NUP160: variants seen among roughly 807,000 people sequenced by gnomAD.
NUP160 encodes the protein nucleoporin 160, also known as nuclear pore complex protein Nup160.
NUP160 carries 94 observed loss-of-function variants against 196.9 expected under a neutral mutation model. The ratio of observed to expected loss-of-function variants is 0.48; its 90% CI spans 0.40 to 0.57. The LOEUF (loss-of-function observed/expected upper bound fraction) is 0.57, where lower values mean the gene tolerates loss of function less well. Ranked by LOEUF, NUP160 falls within the 20% of genes least tolerant of loss-of-function variation. The probability of loss-of-function intolerance (pLI) is 0.00; values close to 1 mark genes in which losing one functional copy is unlikely to be tolerated. For missense variants in NUP160, 1,638 were observed against 1,748.3 expected, an observed-to-expected ratio of 0.94 and a Z score of 1.13; for synonymous variants, 605 against 619.7, an observed-to-expected ratio of 0.98 and a Z score of 0.35.
At chr11:47,798,870 C>T (rs990125301) in intron 23 of NUP160, among the ~76,000 whole-genome samples, 18 of 149,114 alleles carry the variant, frequency 1.2e-4, no homozygotes, top group African/African-American at 4.2e-4. Context: ...TCCGTAAATA[C>T]TTGTTGAGGC....
chr11:47,791,837 G>T, intron 29 of NUP160, 93 bp downstream of exon 29: 1 of 870,288 alleles, frequency 1.1e-6, no homozygotes, highest in Non-Finnish European at 1.9e-6. Flanking sequence ...ATTATATGTA[G>T]CTTATTTAAC....
chr11:47,843,653 T>C (rs1420052938), intron 2 of NUP160, among the ~76,000 whole-genome samples: 1 of 152,222 alleles, frequency 6.6e-6, no homozygotes, highest in Non-Finnish European at 1.5e-5. Flanking sequence ...AGATGTGCTA[T>C]TGCTATGCAG....
At chr11:47,834,140 TC>T (rs1029359382) in intron 7 of NUP160, among the ~76,000 whole-genome samples, 3 of 152,180 alleles carry the variant, frequency 2.0e-5, no homozygotes, top group African/African-American at 7.2e-5. Flanking sequence ...AGTTTTAATT[TC>T]TAATAAATTA....
chr11:47,785,865 T>C (rs887816463), intron 32 of NUP160, among the ~76,000 whole-genome samples: 2 of 152,252 alleles, frequency 1.3e-5, no homozygotes, highest in Non-Finnish European at 2.9e-5. Flanking sequence ...TCTAAAGTGC[T>C]AAGCTGTATA....
chr11:47,840,150 T>C (rs1486277484), intron 3 of NUP160, 85 bp from the exon 4 acceptor site: 3 of 1,062,364 alleles, frequency 2.8e-6, no homozygotes, highest in East Asian at 2.5e-5. Context: ...AAAAAGTTTT[T>C]AAAGTAAAAA....
chr11:47,817,512 A>C (rs1851762777), intron 11 of NUP160, among the ~76,000 whole-genome samples: 1 of 147,664 alleles, frequency 6.8e-6, no homozygotes, highest in Non-Finnish European at 1.5e-5. Flanking sequence ...ACGCCCGGCT[A>C]ATTTTTGTAT....
At chr11:47,801,969 T>C (rs779752572) in intron 22 of NUP160, 39 bp from the exon 23 acceptor site, 2 of 1,606,528 alleles carry the variant, frequency 1.2e-6, no homozygotes, top group Admixed American at 3.4e-5. Flanking sequence ...TAACAGATCA[T>C]TCAAATTCTA....
intron 21 of NUP160, 114 bp downstream of exon 21, chr11:47,804,435 C>T (rs1839233185): frequency 2.8e-6 from 2 of 702,606 alleles, no homozygotes; most frequent in Non-Finnish European, 4.9e-6. Flanking sequence ...TTCACATAAT[C>T]AAGTTTAAAT....
At chr11:47,790,827 C>G (rs565894125) in intron 29 of NUP160, among the ~76,000 whole-genome samples, 4 of 152,308 alleles carry the variant, frequency 2.6e-5, no homozygotes, top group African/African-American at 9.6e-5. Context: ...TCTGGGAACT[C>G]TTCTGCTGCT....
chr11:47,847,648 T>TGGGG (rs56283744), intron 2 of NUP160, among the ~76,000 whole-genome samples, 200 bp downstream of exon 2: 9 of 77,458 alleles, frequency 1.2e-4, no homozygotes, highest in African/African-American at 2.8e-4. Flanking sequence ...TGTGTGGGGG[T>TGGGG]GGGGGGGGGG....
Position 47,786,435 on chromosome 11 carries a change from TG to T in NUP160, c.3848+17del, listed in dbSNP as rs1259839585. 1 of 1,549,680 alleles carries T rather than the reference TG, an allele frequency of 6.5e-7. No individual in the cohort carries two copies. The highest frequency in any genetic ancestry group is 8.9e-7 in the Non-Finnish European group (1 of 1,122,276). On this transcript the variant is annotated intron_variant, in intron 32 of 35. Transcript: ENST00000378460. ...TTAGAAAGGCAAAACTACCCAGGGT[TG>T]AACACCAGGGTTGTACCTAGACTCC...
At chr11:47,782,300 AAAAATATAT>A (rs1431172468) in intron 34 of NUP160, among the ~76,000 whole-genome samples, 11 of 42,496 alleles carry the variant, frequency 2.6e-4, no homozygotes, top group East Asian at 1.7e-3. Context: ...AAAAAAAAAA[AAAAATATAT>A]ATATATATAT....
At chr11:47,837,459 G>T in intron 5 of NUP160, 86 bp downstream of exon 5, 1 of 1,018,214 alleles carries the variant, frequency 9.8e-7, no homozygotes, top group Non-Finnish European at 1.5e-6. Context: ...GTTTGCCTTG[G>T]AATAAGACTG....
intron 34 of NUP160, among the ~76,000 whole-genome samples, chr11:47,781,017 G>C (rs1184582399): frequency 6.6e-6 from 1 of 151,284 alleles, no homozygotes; most frequent in Admixed American, 6.6e-5. Flanking sequence ...ACAAGGTCAG[G>C]AGTTCGAGAC....
At chr11:47,788,506 A>C in exon 30 of NUP160, 1 of 1,612,564 alleles carries the variant, frequency 6.2e-7, no homozygotes, top group East Asian at 2.2e-5. Context: ...CCTACCAGCA[A>C]CTGCAACCGC....
In NUP160 at chr11:47,803,519, T is replaced by C. The variant is rs148939268; in HGVS notation, c.2694A>G (p.Leu898=). The change falls in exon 22 of 36, where the codon CTA becomes CTG. Residue 898 remains leucine (L), a synonymous_variant. Transcript: ENST00000378460. ...CAACATTGACTTGACACCAGGGATGTAGCAGTTGAATATAATCCTTAAAGG... is the reference window on the plus strand; with the variant it reads ...CAACATTGACTTGACACCAGGGATGCAGCAGTTGAATATAATCCTTAAAGG... 7.5e-5 allele frequency: 120 copies of C among 1,607,490 alleles called. No individual in the cohort carries two copies. In the African/African-American group the frequency reaches 1.3e-3, roughly 17 times the overall value.
At chr11:47,836,756 G>A in intron 6 of NUP160, 131 bp downstream of exon 6, 1 of 569,532 alleles carries the variant, frequency 1.8e-6, no homozygotes, top group East Asian at 2.7e-5. Flanking sequence ...GAAACTGTCT[G>A]AATCTGGCAG....
chr11:47,782,727 C>T (rs954616213), intron 34 of NUP160, among the ~76,000 whole-genome samples: 5 of 151,842 alleles, frequency 3.3e-5, no homozygotes, highest in East Asian at 1.9e-4. Flanking sequence ...GGCATGATCT[C>T]GGCTCACTGC....
intron 33 of NUP160, among the ~76,000 whole-genome samples, chr11:47,784,226 G>A (rs2097663219): frequency 6.6e-6 from 1 of 152,162 alleles, no homozygotes; most frequent in Non-Finnish European, 1.5e-5. Flanking sequence ...ATCTGATTCT[G>A]TAAGTCTAGG....
Sources: gnomAD v4.1 joint callset for allele counts (sites outside exome capture counted in the v4.1 genomes callset) on GRCh38, gnomAD v4.1.1 for gene constraint, MANE v1.5 for transcripts, NCBI Gene and HGNC (gene_info 2026-07-23, HGNC 2026-07-21) for gene names.